The following ARHGEF10L variants were observed in gnomAD, a reference collection of about 807,000 sequenced individuals.
ARHGEF10L encodes rho guanine nucleotide exchange factor 10-like protein.
A neutral mutation model predicts 141.2 loss-of-function variants in ARHGEF10L; 69 were observed. That is an observed-to-expected ratio of 0.49 (90% confidence interval 0.40 to 0.60). The LOEUF is 0.60. Ranked by LOEUF, ARHGEF10L falls within the 20% of genes least tolerant of loss-of-function variation. The probability of loss-of-function intolerance (pLI) is 0.00; values close to 1 mark genes in which losing one functional copy is unlikely to be tolerated. For synonymous variants in ARHGEF10L, 711 were observed against 718.5 expected (o/e 0.99, Z 0.17); for missense variants, 1,482 against 1,734.3 (o/e 0.85, Z 2.58).
the ARHGEF10L span, among the ~76,000 whole-genome samples, chr1:17,528,632 C>T: frequency 2.0e-5 from 3 of 152,192 alleles, no homozygotes; most frequent in Admixed American, 6.5e-5. Flanking sequence ...ATCCATCCTC[C>T]ATCCATTCAT....
chr1:17,581,359 T>C (rs2078547541), intron 2 of ARHGEF10L, among the ~76,000 whole-genome samples: 1 of 150,066 alleles, frequency 6.7e-6, no homozygotes, highest in South Asian at 2.1e-4. Context: ...AAATACATAC[T>C]TATACTAACA....
the ARHGEF10L span, among the ~76,000 whole-genome samples, chr1:17,531,884 C>T: frequency 6.6e-6 from 1 of 152,196 alleles, no homozygotes; most frequent in Non-Finnish European, 1.5e-5. Flanking sequence ...TATGGAGCCT[C>T]CCCGCCCTGG....
intron 25 of ARHGEF10L, among the ~76,000 whole-genome samples, chr1:17,661,203 G>A (rs188739469): frequency 6.6e-6 from 1 of 152,126 alleles, no homozygotes; most frequent in Non-Finnish European, 1.5e-5. Flanking sequence ...TCAGCCTCCC[G>A]AGTAGCTGGG....
At chr1:17,640,025 C>G in intron 20 of ARHGEF10L, 177 bp from the exon 21 acceptor site, 1 of 1,470,160 alleles carries the variant, frequency 6.8e-7, no homozygotes, top group Non-Finnish European at 9.0e-7. Context: ...GATTCCTCCC[C>G]CAGGGGACCG....
intron 25 of ARHGEF10L, among the ~76,000 whole-genome samples, chr1:17,659,286 T>G (rs1232463521): frequency 2.0e-5 from 3 of 152,174 alleles, no homozygotes; most frequent in Non-Finnish European, 2.9e-5. Context: ...AGAAGGGGCT[T>G]GCCTTACCTG....
At chr1:17,514,571 G>A in the ARHGEF10L span, among the ~76,000 whole-genome samples, 1 of 152,152 alleles carries the variant, frequency 6.6e-6, no homozygotes, top group Non-Finnish European at 1.5e-5. Flanking sequence ...GAAATGGGAG[G>A]GTTGTTTGGG....
upstream of ARHGEF10L, among the ~76,000 whole-genome samples, chr1:17,536,759 G>A (rs548729191): frequency 2.5e-4 from 38 of 152,316 alleles, no homozygotes; most frequent in African/African-American, 7.2e-4. Context: ...GGAGAGCACA[G>A]CTGTGTCTAA....
chr1:17,530,273 G>C, the ARHGEF10L span, among the ~76,000 whole-genome samples: 1 of 152,144 alleles, frequency 6.6e-6, no homozygotes, highest in Non-Finnish European at 1.5e-5. Flanking sequence ...TACCTGTAAG[G>C]AACAGTGGTT....
Position 17,607,993 on chromosome 1 carries a change from G to A in ARHGEF10L, c.609+16G>A. 7.2e-7 allele frequency: 1 copy of A among 1,385,828 alleles called. No individual in the cohort carries two copies. The highest frequency in any genetic ancestry group is 9.4e-7 in the Non-Finnish European group (1 of 1,061,804). 85.8% of individuals were successfully genotyped at this position (1,385,828 alleles called of 1,614,324 possible). A position where few individuals can be genotyped will look rare whatever the true frequency, so the allele number is the denominator to read the frequency against. Reference sequence around the variant, plus strand: ...CCAGCCCAAGGTGAGGGGACCGGGGGTGTCGCTCACCTCAGTCAGGGCACG... The same window carrying A: ...CCAGCCCAAGGTGAGGGGACCGGGGATGTCGCTCACCTCAGTCAGGGCACG... On this transcript the variant is annotated intron_variant, in intron 7 of 28. Coordinates refer to ENST00000361221, the MANE Select transcript of ARHGEF10L (RefSeq NM_018125.4). The surrounding 1 kb of genome is among the most constrained non-coding windows in gnomAD (Gnocchi z 4.5).
intron 1 of ARHGEF10L, among the ~76,000 whole-genome samples, chr1:17,566,584 C>T (rs1305682617): frequency 2.6e-5 from 4 of 152,152 alleles, no homozygotes; most frequent in East Asian, 3.9e-4. Context: ...GGGCCCCTGG[C>T]GGAATGAACT....
Position 17,645,000 on chromosome 1 carries a change from G to T in ARHGEF10L, c.2273-3554G>T, listed in dbSNP as rs933307595. Among the ~76,000 whole-genome samples, 4 of 152,156 alleles carry T rather than the reference G, an allele frequency of 2.6e-5. No individual in the cohort carries two copies. Among genetic ancestry groups the T allele is most frequent in the African/African-American group, 9.7e-5 (4 of 41,434 alleles). On this transcript the variant is annotated intron_variant, in intron 21 of 28. Coordinates refer to ENST00000361221, the MANE Select transcript of ARHGEF10L (RefSeq NM_018125.4). This position sits in a 1 kb window ranked among gnomAD's most constrained non-coding sequence, Gnocchi z 4.5. Reference sequence around the variant, plus strand: ...TGAGTTGGAGACTGAGGTGGGATCTGCCCGGGCCCTTCTAGCAGATCAGAG... The same window carrying T: ...TGAGTTGGAGACTGAGGTGGGATCTTCCCGGGCCCTTCTAGCAGATCAGAG...
chr1:17,533,585 A>C, the ARHGEF10L span, among the ~76,000 whole-genome samples: 1 of 152,152 alleles, frequency 6.6e-6, no homozygotes, highest in Non-Finnish European at 1.5e-5. Flanking sequence ...CTTTGACCTG[A>C]TCCCCCAGGA....
At chr1:17,672,230 G>A (rs1470757593) in intron 26 of ARHGEF10L, among the ~76,000 whole-genome samples, 1 of 125,780 alleles carries the variant, frequency 8.0e-6, no homozygotes, top group Admixed American at 1.1e-4. Context: ...TAATTTTCAT[G>A]TTTAGTGCCT....
At chr1:17,527,380 A>G in the ARHGEF10L span, among the ~76,000 whole-genome samples, 8 of 152,160 alleles carry the variant, frequency 5.3e-5, no homozygotes. Flanking sequence ...TGCTCCACAC[A>G]CAATTCTGAG....
chr1:17,661,297 C>T (rs1479150019), intron 25 of ARHGEF10L, among the ~76,000 whole-genome samples: 3 of 152,208 alleles, frequency 2.0e-5, no homozygotes, highest in African/African-American at 4.8e-5. Flanking sequence ...AGGCTGGTCT[C>T]GAACTCCCAA....
chr1:17,628,325 G>A (rs984195135), intron 15 of ARHGEF10L, among the ~76,000 whole-genome samples: 3 of 152,162 alleles, frequency 2.0e-5, no homozygotes, highest in African/African-American at 7.2e-5. Context: ...GGGAGACTCT[G>A]TCTCTAAAGG....
intron 26 of ARHGEF10L, among the ~76,000 whole-genome samples, chr1:17,687,245 G>A (rs1333285403): frequency 1.3e-5 from 2 of 152,184 alleles, no homozygotes; most frequent in African/African-American, 2.4e-5. Flanking sequence ...GTGAGTGAGC[G>A]TGTGCATGTC....
At chr1:17,548,347 A>C (rs1318963053) in intron 1 of ARHGEF10L, among the ~76,000 whole-genome samples, 1 of 152,208 alleles carries the variant, frequency 6.6e-6, no homozygotes, top group Non-Finnish European at 1.5e-5. Context: ...CCAGGAGCTT[A>C]CGTAACATTT....
At chr1:17,522,133 G>C in the ARHGEF10L span, among the ~76,000 whole-genome samples, 26 of 152,126 alleles carry the variant, frequency 1.7e-4, no homozygotes, top group African/African-American at 6.0e-4. Flanking sequence ...CAGGAGGTGA[G>C]AGTGGGCGTG....
Sources: gnomAD v4.1 joint callset for allele counts (sites outside exome capture counted in the v4.1 genomes callset) on GRCh38, gnomAD v4.1.1 for gene constraint, Gnocchi (gnomAD v3.1) non-coding constraint, MANE v1.5 for transcripts, NCBI Gene and HGNC (gene_info 2026-07-23, HGNC 2026-07-21) for gene names.